KIFAP3: variants seen among roughly 807,000 people sequenced by gnomAD.
KIFAP3 encodes the protein kinesin-associated protein 3.
In KIFAP3, 68 loss-of-function variants were observed where a neutral mutation model predicts 106.5. The ratio of observed to expected loss-of-function variants is 0.64; its 90% confidence interval spans 0.53 to 0.78. The LOEUF is 0.78. KIFAP3 is among the 30% of genes least tolerant of loss of function. The pLI is 0.00. For missense variants in KIFAP3, 780 were observed against 941.8 expected, an observed-to-expected ratio of 0.83 and a Z score of 2.25; for synonymous variants, 320 against 311.5, an observed-to-expected ratio of 1.03 and a Z score of -0.29.
chr1:170,046,083 T>A (rs912736886), intron 3 of KIFAP3, among the ~76,000 whole-genome samples: 16 of 151,582 alleles, frequency 1.1e-4, no homozygotes, highest in African/African-American at 3.6e-4. Context: ...CAATCAACAA[T>A]CTCCACACTT....
chr1:170,012,128 GACC>G (rs1021717887), intron 10 of KIFAP3, among the ~76,000 whole-genome samples: 8 of 151,956 alleles, frequency 5.3e-5, no homozygotes, highest in Admixed American at 2.0e-4. Flanking sequence ...CAGTTTCCAA[GACC>G]ACAAGAGAAT....
At chr1:170,074,002 T>C (rs1671814893) in intron 1 of KIFAP3, among the ~76,000 whole-genome samples, 1 of 152,046 alleles carries the variant, frequency 6.6e-6, no homozygotes, top group Non-Finnish European at 1.5e-5. Flanking sequence ...TTCCCCTTCA[T>C]CATTTCAAAA....
chr1:170,075,631 T>A (rs1283822698), upstream of KIFAP3, among the ~76,000 whole-genome samples: 1 of 152,234 alleles, frequency 6.6e-6, no homozygotes, highest in East Asian at 1.9e-4. Context: ...AATACAGTCC[T>A]TACCCAACAA....
chr1:169,982,202 A>G, intron 14 of KIFAP3, 105 bp from the exon 15 acceptor site: 1 of 1,153,362 alleles, frequency 8.7e-7, no homozygotes, highest in Non-Finnish European at 1.2e-6. Context: ...AAGCTATTAA[A>G]TCAAGTCATA....
intron 19 of KIFAP3, among the ~76,000 whole-genome samples, chr1:169,942,533 G>A (rs1321844431): frequency 6.6e-6 from 1 of 152,236 alleles, no homozygotes; most frequent in Non-Finnish European, 1.5e-5. Flanking sequence ...TAAACTGATT[G>A]TGCTGTTTTC....
At chr1:169,974,509 T>C (rs1571588477) in intron 16 of KIFAP3, among the ~76,000 whole-genome samples, 2 of 151,956 alleles carry the variant, frequency 1.3e-5, no homozygotes, top group African/African-American at 2.4e-5. Context: ...CATGGCTATA[T>C]TGCATAGTGG....
At chr1:169,949,357 T>A (rs1164489687) in intron 19 of KIFAP3, among the ~76,000 whole-genome samples, 1 of 152,060 alleles carries the variant, frequency 6.6e-6, no homozygotes, top group Non-Finnish European at 1.5e-5. Flanking sequence ...GTAAATGACA[T>A]CACTGTGCCA....
chr1:170,043,012 C>A (rs1018817940), intron 3 of KIFAP3, among the ~76,000 whole-genome samples: 3 of 152,168 alleles, frequency 2.0e-5, no homozygotes, highest in African/African-American at 7.2e-5. Flanking sequence ...AGTGAACCAG[C>A]TCCCCAGAAG....
At chr1:169,969,026 G>C (rs368098736) in intron 17 of KIFAP3, among the ~76,000 whole-genome samples, 1 of 152,032 alleles carries the variant, frequency 6.6e-6, no homozygotes, top group African/African-American at 2.4e-5. Context: ...GAGTATATGG[G>C]ATTAAGAAAT....
At chr1:169,968,876 T>C (rs999091633) in intron 17 of KIFAP3, among the ~76,000 whole-genome samples, 1 of 151,744 alleles carries the variant, frequency 6.6e-6, no homozygotes, top group Non-Finnish European at 1.5e-5. Context: ...ACACACACAT[T>C]TATGTATAAA....
chr1:169,942,972 A>G (rs950660010), intron 19 of KIFAP3, among the ~76,000 whole-genome samples: 1 of 143,820 alleles, frequency 7.0e-6, no homozygotes, highest in Admixed American at 7.5e-5. Flanking sequence ...ATTGAAACCA[A>G]GAAGGTAACC....
chr1:169,951,391 A>G (rs1243788107), intron 19 of KIFAP3, among the ~76,000 whole-genome samples: 1 of 151,960 alleles, frequency 6.6e-6, no homozygotes, highest in Admixed American at 6.6e-5. Flanking sequence ...GTCTATAGTA[A>G]GTTTTATTAA....
In KIFAP3 at chr1:169,983,269, C is replaced by A. The variant is rs776279334; in HGVS notation, c.1506+1G>T. On this transcript the variant is annotated splice_donor_variant, in intron 13 of 19. Transcript: ENST00000361580. LOFTEE classifies it high-confidence loss of function. Reference sequence around the variant, plus strand: ...GAATAGAAAGCCAAAATGATACTTACAATAAACAGATTTTTAGTTGGTCCA... The same window carrying A: ...GAATAGAAAGCCAAAATGATACTTAAAATAAACAGATTTTTAGTTGGTCCA... 1.9e-6 allele frequency: 3 copies of A among 1,563,972 alleles called. No homozygotes were observed. Among genetic ancestry groups the A allele is most frequent in the African/African-American group, 1.4e-5 (1 of 73,338 alleles).
chr1:169,960,923 C>T (rs1665294311), intron 18 of KIFAP3, 123 bp downstream of exon 18: 4 of 650,550 alleles, frequency 6.1e-6, no homozygotes, highest in Non-Finnish European at 1.0e-5. Context: ...CATCTAAAAT[C>T]ATTAGCAGAC....
At chr1:170,000,224 G>C (rs1667590655) in intron 10 of KIFAP3, among the ~76,000 whole-genome samples, 1 of 152,118 alleles carries the variant, frequency 6.6e-6, no homozygotes, top group South Asian at 2.1e-4. Flanking sequence ...TGAAAACAAA[G>C]TGAGAACACA....
chr1:169,961,365 T>TG, intron 17 of KIFAP3, 130 bp from the exon 18 acceptor site: 1 of 614,236 alleles, frequency 1.6e-6, no homozygotes, highest in Non-Finnish European at 2.8e-6. Flanking sequence ...AAATACCTGT[T>TG]CAGGATTATT....
At chr1:170,026,462 G>T (rs185627521) in intron 8 of KIFAP3, among the ~76,000 whole-genome samples, 100 of 152,320 alleles carry the variant, frequency 6.6e-4, no homozygotes, top group African/African-American at 2.4e-3. Flanking sequence ...TCCTATGTTT[G>T]CCCTAGAATA....
intron 1 of KIFAP3, among the ~76,000 whole-genome samples, chr1:170,070,819 C>G (rs1419423525): frequency 6.6e-6 from 1 of 152,140 alleles, no homozygotes; most frequent in Non-Finnish European, 1.5e-5. Context: ...AATTAGACTT[C>G]ACCAAAATTA....
chr1:170,053,323 T>C (rs552504314), intron 2 of KIFAP3, among the ~76,000 whole-genome samples: 36 of 152,022 alleles, frequency 2.4e-4, no homozygotes, highest in African/African-American at 8.2e-4. Flanking sequence ...AACTACAAAC[T>C]GCTTCTCAAG....
Sources: allele counts gnomAD v4.1 joint callset (sites outside exome capture counted in the v4.1 genomes callset), GRCh38; gene constraint gnomAD v4.1.1; transcripts MANE v1.5; gene names NCBI Gene and HGNC (gene_info 2026-07-23, HGNC 2026-07-21).